The following WWOX variants were observed in gnomAD, a reference collection of about 807,000 sequenced individuals.
The protein encoded by WWOX is WW domain-containing oxidoreductase.
A neutral mutation model predicts 46.2 loss-of-function variants in WWOX; 69 were observed. The observed-to-expected ratio is 1.49, with a 90% CI of 1.23 to 1.82. WWOX has a LOEUF of 1.82. WWOX is among the 40% of genes most tolerant of loss of function. The probability of loss-of-function intolerance (pLI) is 0.00; values close to 1 mark genes in which losing one functional copy is unlikely to be tolerated. For missense variants in WWOX, 919 were observed against 542.6 expected, an observed-to-expected ratio of 1.69 and a Z score of -6.89; for synonymous variants, 359 against 202.6, an observed-to-expected ratio of 1.77 and a Z score of -6.56.
At chr16:79,139,899 C>G (rs933719806) in intron 8 of WWOX, among the ~76,000 whole-genome samples, 3 of 152,200 alleles carry the variant, frequency 2.0e-5, no homozygotes, top group African/African-American at 7.2e-5. Context: ...TCCCCATAAA[C>G]TATTTGAAAG....
chr16:78,632,987 G>T (rs917213170), intron 8 of WWOX, among the ~76,000 whole-genome samples: 2 of 152,138 alleles, frequency 1.3e-5, no homozygotes, highest in Non-Finnish European at 1.5e-5. Flanking sequence ...AGGTGGCCAG[G>T]CATGGTGGCT....
chr16:78,533,513 C>G (rs972221768), intron 8 of WWOX, among the ~76,000 whole-genome samples: 1 of 152,116 alleles, frequency 6.6e-6, no homozygotes, highest in Non-Finnish European at 1.5e-5. Context: ...ATGTGGCCCA[C>G]CAGCTATGGT....
At chr16:79,165,225 C>T (rs74745122) in intron 8 of WWOX, among the ~76,000 whole-genome samples, 8 of 151,956 alleles carry the variant, frequency 5.3e-5, no homozygotes, top group African/African-American at 1.9e-4. Flanking sequence ...CTAGTGACCT[C>T]ATATACTCAT....
At chr16:78,376,556 G>A (rs931213232) in intron 5 of WWOX, among the ~76,000 whole-genome samples, 2 of 152,140 alleles carry the variant, frequency 1.3e-5, no homozygotes, top group East Asian at 1.9e-4. Context: ...ACCACTTGGG[G>A]TGAACCGAAG....
At chr16:79,188,333 G>C (rs2150801405) in intron 8 of WWOX, among the ~76,000 whole-genome samples, 1 of 152,302 alleles carries the variant, frequency 6.6e-6, no homozygotes. Context: ...ACAGCTTTGA[G>C]TCGTGACCGG....
chr16:79,188,977 A>G (rs1597459013), intron 8 of WWOX, among the ~76,000 whole-genome samples: 1 of 152,212 alleles, frequency 6.6e-6, no homozygotes, highest in Admixed American at 6.5e-5. Flanking sequence ...ATGCAAATCT[A>G]TATTGTGACA....
intron 8 of WWOX, among the ~76,000 whole-genome samples, chr16:79,068,495 C>T (rs928435042): frequency 3.3e-5 from 5 of 152,072 alleles, no homozygotes; most frequent in East Asian, 1.9e-4. Flanking sequence ...AAGCACTGCA[C>T]GTGTAGGAAG....
chr16:78,489,085 G>A lies in WWOX; in HGVS notation c.1056+56333G>A, dbSNP rs181021836. Among the ~76,000 whole-genome samples the A allele has an allele frequency of 1.6e-4, 25 of 152,224 alleles. No homozygotes were observed. In the East Asian group the frequency reaches 4.4e-3, roughly 27 times the overall value. ...TAGTTATCTGCTTACCTTTCTAGCT[G>A]AGATGAGATTTTATGCTTGTTACTA... On this transcript the variant is annotated intron_variant, in intron 8 of 8. Coordinates refer to ENST00000566780, the MANE Select transcript of WWOX (RefSeq NM_016373.4).
At chr16:78,555,704 A>T (rs565555554) in intron 8 of WWOX, among the ~76,000 whole-genome samples, 65 of 151,930 alleles carry the variant, frequency 4.3e-4, no homozygotes, top group Non-Finnish European at 8.7e-4. Context: ...GACTGGAAGT[A>T]AGAAGCCCCT....
intron 8 of WWOX, among the ~76,000 whole-genome samples, chr16:78,661,861 G>A (rs2550642): frequency 6.6e-6 from 1 of 152,200 alleles, no homozygotes; most frequent in Non-Finnish European, 1.5e-5. Flanking sequence ...AACAGCCTGA[G>A]GCAAAACCTC....
At chr16:78,427,451 T>C (rs1449500624) in intron 7 of WWOX, among the ~76,000 whole-genome samples, 3 of 152,158 alleles carry the variant, frequency 2.0e-5, no homozygotes. Context: ...AGCAGAGTGC[T>C]GGTTGAACAA....
chr16:78,759,285 T>C (rs2049732793), intron 8 of WWOX, among the ~76,000 whole-genome samples: 2 of 152,186 alleles, frequency 1.3e-5, no homozygotes, highest in African/African-American at 2.4e-5. Context: ...AATAACAGGA[T>C]GCCATGCTTG....
intron 8 of WWOX, among the ~76,000 whole-genome samples, chr16:78,878,624 C>G (rs984305745): frequency 6.6e-6 from 1 of 151,230 alleles, no homozygotes; most frequent in African/African-American, 2.5e-5. Context: ...TATGAAGAAC[C>G]TAGCACACTG....
At chr16:78,129,978 G>T (rs1170065006) in intron 4 of WWOX, 1 of 152,056 alleles carries the variant, frequency 6.6e-6, no homozygotes, top group Non-Finnish European at 1.5e-5. Flanking sequence ...GAATCATGCT[G>T]TTCTCACGAT....
intron 8 of WWOX, among the ~76,000 whole-genome samples, chr16:78,683,561 TAA>T (rs34149074): frequency 6.7e-6 from 1 of 149,800 alleles, no homozygotes; most frequent in South Asian, 2.1e-4. Flanking sequence ...ATAAAAATAA[TAA>T]AAAAAAAATT....
intron 5 of WWOX, among the ~76,000 whole-genome samples, chr16:78,244,080 C>T (rs2037743037): frequency 6.6e-6 from 1 of 152,208 alleles, no homozygotes; most frequent in African/African-American, 2.4e-5. Flanking sequence ...TGGAACACCT[C>T]CTGCTGGGGG....
chr16:78,507,768 G>A (rs577949431), intron 8 of WWOX, among the ~76,000 whole-genome samples: 43 of 152,192 alleles, frequency 2.8e-4, no homozygotes, highest in Non-Finnish European at 5.1e-4. Context: ...TGTGCTGAGC[G>A]CAGAGCCATT....
intron 8 of WWOX, among the ~76,000 whole-genome samples, chr16:78,470,676 C>T (rs987246908): frequency 1.8e-4 from 28 of 152,054 alleles, no homozygotes; most frequent in African/African-American, 5.8e-4. Context: ...ATTACAGGCA[C>T]GCCACCACAC....
intron 8 of WWOX, among the ~76,000 whole-genome samples, chr16:78,775,824 T>G (rs904128434): frequency 2.6e-5 from 4 of 152,220 alleles, no homozygotes; most frequent in Non-Finnish European, 4.4e-5. Context: ...ACTGAATCTA[T>G]GAGTGAATGT....
Sources: allele counts gnomAD v4.1 joint callset (sites outside exome capture counted in the v4.1 genomes callset), GRCh38; gene constraint gnomAD v4.1.1; transcripts MANE v1.5; gene names NCBI Gene and HGNC (gene_info 2026-07-23, HGNC 2026-07-21).